The following ASH2L variants were observed in gnomAD, a reference collection of about 807,000 sequenced individuals.
The protein encoded by ASH2L is ASH2 like, histone lysine methyltransferase complex subunit, also known as set1/Ash2 histone methyltransferase complex subunit ASH2.
ASH2L carries 30 observed loss-of-function variants against 81.1 expected under a neutral mutation model. The observed-to-expected ratio is 0.37, with a 90% CI of 0.28 to 0.50. The LOEUF is 0.50. Ranked by LOEUF, ASH2L falls within the 20% of genes least tolerant of loss-of-function variation. ASH2L has a pLI of 0.95. For missense variants in ASH2L, 559 were observed against 792.1 expected, an observed-to-expected ratio of 0.71 and a Z score of 3.53; for synonymous variants, 273 against 279.9, an observed-to-expected ratio of 0.98 and a Z score of 0.24.
chr8:38,128,582 T>A, intron 11 of ASH2L, 124 bp downstream of exon 11: 1 of 1,457,316 alleles, frequency 6.9e-7, no homozygotes, highest in East Asian at 2.3e-5. Context: ...TTCCTGAGGG[T>A]TGAGCTGGTT....
chr8:38,119,968 C>T (rs1585582730), intron 9 of ASH2L, among the ~76,000 whole-genome samples: 2 of 151,358 alleles, frequency 1.3e-5, no homozygotes, highest in African/African-American at 4.8e-5. Context: ...AAACAAAAAA[C>T]AAAAAAATTA....
At chr8:38,114,865 A>G (rs1447211166) in intron 6 of ASH2L, 40 bp from the exon 7 acceptor site, 1 of 1,325,322 alleles carries the variant, frequency 7.5e-7, no homozygotes, top group Non-Finnish European at 1.1e-6. Context: ...ACTTTTAAGT[A>G]TAAAATGTTC....
In ASH2L at chr8:38,139,048, C is replaced by A; in HGVS notation, c.1864C>A (p.Arg622Ser). The A allele has an allele frequency of 6.2e-7, 1 of 1,601,292 alleles. No homozygotes were observed. Among genetic ancestry groups the A allele is most frequent in the East Asian group, 2.2e-5 (1 of 44,628 alleles). The change falls in exon 16 of 16, where the codon CGC (arginine) becomes AGC (serine). Residue 622 changes from arginine (R) to serine (S), a missense_variant. Coordinates refer to ENST00000343823, the MANE Select transcript of ASH2L (RefSeq NM_004674.5). The stretch of plus-strand genomic sequence containing the variant: ...CGTGGAGACAGAAGTGGATGGGAGG[C>A]GCAGTCCCCCATGGGAACCCTGACC... Reference protein sequence around the residue: ...YHVETEVDGRRSPPWEP With the variant: ...YHVETEVDGRSSPPWEP
rs1811125918 is a variant in ASH2L at position 38,121,154 on chromosome 8, G to A, written c.1165+5G>A. On this transcript the variant is annotated splice_donor_5th_base_variant and intron_variant, in intron 10 of 15. Coordinates refer to ENST00000343823, the MANE Select transcript of ASH2L (RefSeq NM_004674.5). ...TGTTAGCCCTACATGATCGAGGTAT[G>A]TAAAGTATTGGAGATCATATGGATG... is the stretch of plus-strand genomic sequence containing the variant. The A allele has an allele frequency of 1.2e-6, 2 of 1,611,700 alleles. No homozygotes were observed. Among genetic ancestry groups the A allele is most frequent in the Non-Finnish European group, 1.7e-6 (2 of 1,178,714 alleles).
At chr8:38,119,425 C>T in intron 9 of ASH2L, 62 bp downstream of exon 9, 1 of 1,327,172 alleles carries the variant, frequency 7.5e-7, no homozygotes, top group Non-Finnish European at 1.0e-6. Context: ...CTGGGAAAGT[C>T]CAGCAGAGGG....
At position 38,128,341 on chromosome 8, in the gene ASH2L, G is replaced by C; in HGVS notation, c.1216G>C (p.Gly406Arg). ...DDRLTVVGEK[G>R]YSMVRASHGV... is the part of the protein sequence containing the mutation. ...CCGGCTGACTGTGGTTGGAGAGAAG[G>C]GCTACTCTATGGTGAGGGCCTCTCA... Residue 406 changes from glycine (G) to arginine (R), a missense_variant, in exon 11 of 16, where the codon GGC (glycine) becomes CGC (arginine). Physicochemically the swap from Gly to Arg is moderately radical, Grantham distance 125 (BLOSUM62 -2). Coordinates refer to ENST00000343823, the MANE Select transcript of ASH2L (RefSeq NM_004674.5). 6.2e-7 allele frequency: 1 copy of C among 1,614,134 alleles called. No homozygotes were observed. The highest frequency in any genetic ancestry group is 8.5e-7 in the Non-Finnish European group (1 of 1,180,028).
chr8:38,120,979 T>C lies in ASH2L; in HGVS notation c.995T>C (p.Leu332Ser). ...CGCCTTCCCCCTCATGGCTACCCAT[T>C]GGAACACCCGTTTAACAAAGATGGC... The part of the protein sequence containing the change: ...AQRLPPHGYP[L>S]EHPFNKDGYR... The change falls in exon 10 of 16, where the codon TTG becomes TCG. Residue 332 changes from leucine to serine, a missense_variant. Leu to Ser is a moderately radical substitution (Grantham distance 145, BLOSUM62 -2). Around this residue, in one of 4 missense-constraint regions of ASH2L, gnomAD observed 318 missense variants for 527.0 expected, o/e 0.60. Coordinates refer to ENST00000343823, the MANE Select transcript of ASH2L (RefSeq NM_004674.5). 2 of 1,613,818 alleles carry C rather than the reference T, an allele frequency of 1.2e-6. No homozygotes were observed. Among genetic ancestry groups the C allele is most frequent in the Non-Finnish European group, 1.7e-6 (2 of 1,179,948 alleles).
At chr8:38,117,512 TA>T in intron 8 of ASH2L, 2 of 983,024 alleles carry the variant, frequency 2.0e-6, no homozygotes, top group Non-Finnish European at 2.4e-6. Context: ...CAGACTTAAG[TA>T]TTTTGTGGTT....
At chr8:38,119,708 G>A (rs1004496983) in intron 9 of ASH2L, among the ~76,000 whole-genome samples, 2 of 152,148 alleles carry the variant, frequency 1.3e-5, no homozygotes, top group Non-Finnish European at 2.9e-5. Context: ...GGGAGGCTGA[G>A]GCAGGAGAAT....
chr8:38,105,886 C>T (rs752624141), intron 1 of ASH2L, 148 bp downstream of exon 1: 1 of 1,441,912 alleles, frequency 6.9e-7, no homozygotes, highest in South Asian at 1.4e-5. Context: ...TTGGCCCGTC[C>T]CCTCTCAAGC....
At chr8:38,116,793 G>A in intron 8 of ASH2L, 68 bp downstream of exon 8, 1 of 1,360,174 alleles carries the variant, frequency 7.4e-7, no homozygotes. Context: ...CCTAGAACTG[G>A]CCATTCTTTG....
chr8:38,139,215 C>T lies in ASH2L; in HGVS notation c.*144C>T, dbSNP rs2130600032. 3 of 626,786 alleles carry T rather than the reference C, an allele frequency of 4.8e-6. No individual in the cohort carries two copies. The highest frequency in any genetic ancestry group is 3.1e-5 in the Admixed American group (1 of 32,028). The allele number at this position is 626,786 out of a possible 1,614,324, so 38.8% of individuals were successfully genotyped here. ...CAAGTTAAAAGGCTGGGTAGGACTG[C>T]GGGAGACTGCCTGCCTTTCACCATT... is the stretch of plus-strand genomic sequence containing the variant. On this transcript the variant is annotated 3_prime_UTR_variant, in exon 16 of 16. Coordinates refer to ENST00000343823, the MANE Select transcript of ASH2L (RefSeq NM_004674.5).
At chr8:38,115,845 C>T (rs555779818) in intron 7 of ASH2L, among the ~76,000 whole-genome samples, 1 of 152,312 alleles carries the variant, frequency 6.6e-6, no homozygotes, top group East Asian at 1.9e-4. Flanking sequence ...GATCCTTACA[C>T]TTGGCCTACC....
At chr8:38,114,021 A>G (rs568591192) in intron 5 of ASH2L, among the ~76,000 whole-genome samples, 171 bp from the exon 6 acceptor site, 1 of 152,246 alleles carries the variant, frequency 6.6e-6, no homozygotes, top group African/African-American at 2.4e-5. Context: ...GCAATGAAAT[A>G]TTCAGAGATT....
chr8:38,126,865 A>G (rs921426984), intron 10 of ASH2L, among the ~76,000 whole-genome samples: 1 of 151,162 alleles, frequency 6.6e-6, no homozygotes, highest in Non-Finnish European at 1.5e-5. Context: ...AAAAAGAAAG[A>G]AAGTTTGAAA....
chr8:38,114,738 T>A, intron 6 of ASH2L, 167 bp from the exon 7 acceptor site: 1 of 581,142 alleles, frequency 1.7e-6, no homozygotes, highest in Non-Finnish European at 3.1e-6. Context: ...GTTTCTCTGT[T>A]GTTTGAATTT....
chr8:38,114,840 G>GATT, intron 6 of ASH2L, 65 bp from the exon 7 acceptor site: 1 of 1,055,748 alleles, frequency 9.5e-7, no homozygotes, highest in South Asian at 1.4e-5. Context: ...GTTAGTGGTT[G>GATT]ATTATTAATT....
At chr8:38,123,652 G>A (rs907310854) in intron 10 of ASH2L, among the ~76,000 whole-genome samples, 2 of 152,088 alleles carry the variant, frequency 1.3e-5, no homozygotes, top group Admixed American at 6.6e-5. Context: ...CATTACTATG[G>A]TTCTGGGAGT....
At chr8:38,128,535 G>A in intron 11 of ASH2L, 77 bp downstream of exon 11, 1 of 1,546,620 alleles carries the variant, frequency 6.5e-7, no homozygotes, top group Admixed American at 2.1e-5. Context: ...AGGCTTCAAG[G>A]CTGTTGGGTT....
Sources: allele counts gnomAD v4.1 joint callset (sites outside exome capture counted in the v4.1 genomes callset), GRCh38; gene constraint gnomAD v4.1.1; regional missense constraint gnomAD v4.1.1; transcripts MANE v1.5; gene names NCBI Gene and HGNC (gene_info 2026-07-23, HGNC 2026-07-21).